The following NUP210L variants were observed in gnomAD, a reference collection of about 807,000 sequenced individuals.
The protein encoded by NUP210L is nuclear pore membrane glycoprotein 210-like.
NUP210L carries 74 observed loss-of-function variants against 208.5 expected under a neutral mutation model. The ratio of observed to expected loss-of-function variants is 0.35; its 90% CI spans 0.29 to 0.43. The LOEUF is 0.43. NUP210L is among the 20% of genes least tolerant of loss of function. The pLI, the probability that NUP210L is intolerant of heterozygous loss-of-function variation, is 1.00. For synonymous variants in NUP210L, 780 were observed against 816.9 expected (o/e 0.95, Z 0.77); for missense variants, 1,843 against 2,289.4 (o/e 0.81, Z 3.98).
chr1:154,080,493 C>A (rs1655264212), intron 16 of NUP210L, among the ~76,000 whole-genome samples: 1 of 151,674 alleles, frequency 6.6e-6, no homozygotes, highest in Admixed American at 6.6e-5. Flanking sequence ...ACCAGCCTGA[C>A]CAATATGATG....
chr1:154,011,754 T>A (rs1305286543), intron 34 of NUP210L, among the ~76,000 whole-genome samples: 7 of 142,618 alleles, frequency 4.9e-5, no homozygotes, highest in Non-Finnish European at 1.1e-4. Context: ...AGTGGTGCGA[T>A]CTCGGCTCAC....
At chr1:154,144,365 G>C (rs1659015788) in intron 2 of NUP210L, among the ~76,000 whole-genome samples, 1 of 152,128 alleles carries the variant, frequency 6.6e-6, no homozygotes, top group Admixed American at 6.5e-5. Flanking sequence ...AGTGGCAACT[G>C]TAAGTCAGTC....
chr1:154,133,669 G>C (rs1464048847), intron 7 of NUP210L, among the ~76,000 whole-genome samples: 4 of 151,640 alleles, frequency 2.6e-5, no homozygotes, highest in Non-Finnish European at 5.9e-5. Flanking sequence ...GCGAGACCTT[G>C]TGTCTATAAA....
intron 30 of NUP210L, among the ~76,000 whole-genome samples, chr1:154,024,140 G>A (rs1355996307): frequency 6.6e-6 from 1 of 152,166 alleles, no homozygotes; most frequent in Non-Finnish European, 1.5e-5. Context: ...AGCTTTATGA[G>A]GAAAGGACTA....
Position 154,145,189 on chromosome 1 carries a change from G to A in NUP210L, c.341-1612C>T, listed in dbSNP as rs187051909. Among the ~76,000 whole-genome samples, 16 of 150,610 alleles carry A rather than the reference G, an allele frequency of 1.1e-4. 1 individual carries two copies. Among genetic ancestry groups the A allele is most frequent in the South Asian group, 4.2e-4 (2 of 4,780 alleles). On this transcript the variant is annotated intron_variant, in intron 2 of 39. Coordinates refer to ENST00000368559, the Ensembl canonical transcript of NUP210L. ...TCCCAGCACTTTGGGAGGCCAAGGCGGTCAGACTGCCTGAGGTCAGGAGTT... is the reference window on the plus strand; with the variant it reads ...TCCCAGCACTTTGGGAGGCCAAGGCAGTCAGACTGCCTGAGGTCAGGAGTT...
At chr1:154,122,575 A>C (rs1269101734) in intron 10 of NUP210L, among the ~76,000 whole-genome samples, 1 of 152,024 alleles carries the variant, frequency 6.6e-6, no homozygotes, top group Non-Finnish European at 1.5e-5. Flanking sequence ...GAATGGTGTG[A>C]ACTCGGGAGG....
At chr1:154,090,070 C>T (rs2148045948) in intron 15 of NUP210L, among the ~76,000 whole-genome samples, 1 of 151,772 alleles carries the variant, frequency 6.6e-6, no homozygotes, top group African/African-American at 2.4e-5. Flanking sequence ...GAATGAGACC[C>T]TGTCTAAAAA....
intron 20 of NUP210L, 143 bp downstream of exon 20, chr1:154,060,397 G>A (rs1450030139): frequency 5.5e-6 from 3 of 546,564 alleles, no homozygotes; most frequent in African/African-American, 1.9e-5. Flanking sequence ...CTCCCTTTTG[G>A]TTGAAGAATC....
intron 33 of NUP210L, among the ~76,000 whole-genome samples, chr1:154,016,374 G>A (rs1651248278): frequency 6.6e-6 from 1 of 151,998 alleles, no homozygotes; most frequent in Non-Finnish European, 1.5e-5. Context: ...AAAGAGGAAG[G>A]AGACATTACA....
rs377580311 is a variant in NUP210L at position 154,117,924 on chromosome 1, A to C, written c.1465-44T>G. On this transcript the variant is annotated intron_variant, in intron 11 of 39. Transcript: ENST00000368559. ...CATTTAATTACAATCGGAAGAAAATAAAATTTAAGTGAAAATGTAAAACTT... is the reference window on the plus strand; with the variant it reads ...CATTTAATTACAATCGGAAGAAAATCAAATTTAAGTGAAAATGTAAAACTT... 6.7e-5 allele frequency: 95 copies of C among 1,419,954 alleles called. 1 individual carries two copies. The African/African-American group carries it at 1.1e-3, about 16-fold the overall frequency. The allele number at this position is 1,419,954 out of a possible 1,614,324, so 88.0% of individuals were successfully genotyped here.
chr1:154,108,064 A>G (rs1028704262), intron 12 of NUP210L, among the ~76,000 whole-genome samples: 4 of 152,226 alleles, frequency 2.6e-5, no homozygotes, highest in Non-Finnish European at 5.9e-5. Context: ...AGGAATAACT[A>G]TAACAACTAT....
At chr1:154,060,093 G>T (rs1295331992) in intron 20 of NUP210L, among the ~76,000 whole-genome samples, 1 of 152,104 alleles carries the variant, frequency 6.6e-6, no homozygotes, top group Non-Finnish European at 1.5e-5. Flanking sequence ...ACAAAAATTA[G>T]CCAGACATGG....
Position 154,139,791 on chromosome 1 carries a change from A to T in NUP210L, c.717+11T>A, listed in dbSNP as rs563871360. ...CAAGTAAGGAAAATTTATAGCACACAAACTTTTTACCTTATAGAATGGTTC... is the reference window on the plus strand; with the variant it reads ...CAAGTAAGGAAAATTTATAGCACACTAACTTTTTACCTTATAGAATGGTTC... On this transcript the variant is annotated intron_variant, in intron 5 of 39. Coordinates refer to ENST00000368559, the Ensembl canonical transcript of NUP210L. 5 of 1,609,168 alleles carry T rather than the reference A, an allele frequency of 3.1e-6. No individual in the cohort carries two copies. The highest frequency in any genetic ancestry group is 1.1e-5 in the South Asian group (1 of 90,284).
intron 27 of NUP210L, among the ~76,000 whole-genome samples, chr1:154,040,803 A>G (rs1652833831): frequency 6.6e-6 from 1 of 152,022 alleles, no homozygotes; most frequent in Non-Finnish European, 1.5e-5. Flanking sequence ...ATGTTAGCCA[A>G]GATGGTCTTG....
intron 17 of NUP210L, among the ~76,000 whole-genome samples, chr1:154,063,291 C>T (rs1654234275): frequency 6.6e-6 from 1 of 152,034 alleles, no homozygotes; most frequent in Non-Finnish European, 1.5e-5. Flanking sequence ...GATTTCAGCC[C>T]AGTGAAGATG....
intron 6 of NUP210L, among the ~76,000 whole-genome samples, chr1:154,137,577 T>C (rs1658611375): frequency 6.7e-6 from 1 of 148,674 alleles, no homozygotes; most frequent in Non-Finnish European, 1.5e-5. Flanking sequence ...GAGCTTGATA[T>C]GGTGGCAGGA....
intron 27 of NUP210L, among the ~76,000 whole-genome samples, chr1:154,032,277 C>T (rs376302536): frequency 3.9e-5 from 6 of 152,082 alleles, no homozygotes; most frequent in Admixed American, 1.3e-4. Flanking sequence ...TGAAAACCTC[C>T]GAACTATGCT....
chr1:154,072,757 T>C (rs1226671998), intron 16 of NUP210L, among the ~76,000 whole-genome samples: 3 of 152,152 alleles, frequency 2.0e-5, no homozygotes, highest in Non-Finnish European at 4.4e-5. Context: ...CCTCACCTTA[T>C]ACAAAAATCA....
chr1:154,055,011 C>T (rs575026323), intron 23 of NUP210L, among the ~76,000 whole-genome samples, 179 bp from the exon 24 acceptor site: 11 of 152,236 alleles, frequency 7.2e-5, no homozygotes, highest in African/African-American at 1.9e-4. Flanking sequence ...AGCAATCCTC[C>T]GGCTTTGGCC....
Sources: allele counts gnomAD v4.1 joint callset (sites outside exome capture counted in the v4.1 genomes callset), GRCh38; gene constraint gnomAD v4.1.1; transcripts MANE v1.5; gene names NCBI Gene and HGNC (gene_info 2026-07-23, HGNC 2026-07-21).